Variants in SLC35F4 observed in about 807,000 individuals in gnomAD.
The protein encoded by SLC35F4 is solute carrier family 35 member F4, also known as chromosome 14 open reading frame 36.
SLC35F4 carries 24 observed loss-of-function variants against 44.2 expected under a neutral mutation model. The observed-to-expected ratio is 0.54, with a 90% CI of 0.39 to 0.76. SLC35F4 has a LOEUF of 0.76. SLC35F4 is among the 30% of genes least tolerant of loss of function. The pLI, the probability that SLC35F4 is intolerant of heterozygous loss-of-function variation, is 0.00. For missense variants in SLC35F4, 562 were observed against 586.1 expected (o/e 0.96, Z 0.42); for synonymous variants, 238 against 223.6 (o/e 1.06, Z -0.57).
Position 57,829,971 on chromosome 14 carries a change from C to T in SLC35F4, c.103+35752G>A, listed in dbSNP as rs17093719. On this transcript the variant is annotated intron_variant, in intron 1 of 7. Transcript: ENST00000556826. ...GGAAGAATAATCTTGCAGTTAAATG[C>T]AAATTGGAATGAAAAGAGAAGAGAG... Among the ~76,000 whole-genome samples, 1,474 of 152,042 alleles carry T rather than the reference C, an allele frequency of 9.7e-3. 17 individuals are homozygous for T. The highest frequency in any genetic ancestry group is 0.034 in the Middle Eastern group (10 of 292).
chr14:57,691,141 A>G (rs1196104108), intron 1 of SLC35F4, among the ~76,000 whole-genome samples: 3 of 152,152 alleles, frequency 2.0e-5, no homozygotes, highest in African/African-American at 7.2e-5. Context: ...TAATCAACAA[A>G]TGTTGGATAA....
downstream of SLC35F4, among the ~76,000 whole-genome samples, chr14:57,974,674 A>T (rs1881160414): frequency 6.6e-6 from 1 of 152,150 alleles, no homozygotes; most frequent in Non-Finnish European, 1.5e-5. Flanking sequence ...CCTAGCCCCC[A>T]CCAATCCTGC....
intron 1 of SLC35F4, among the ~76,000 whole-genome samples, chr14:57,933,129 C>T (rs1889731325): frequency 6.6e-6 from 1 of 150,896 alleles, no homozygotes; most frequent in African/African-American, 2.4e-5. Flanking sequence ...TCAACAAATT[C>T]TCCTGCCTCA....
intron 1 of SLC35F4, chr14:57,837,414 G>A (rs565660435): frequency 2.0e-5 from 3 of 152,310 alleles, no homozygotes; most frequent in Non-Finnish European, 4.4e-5. Flanking sequence ...TTGAAAGTTT[G>A]TTTGGCTCAA....
At chr14:57,710,721 T>C (rs567175233) in intron 1 of SLC35F4, among the ~76,000 whole-genome samples, 6 of 152,176 alleles carry the variant, frequency 3.9e-5, no homozygotes, top group Admixed American at 2.0e-4. Context: ...TAAGGTTTAA[T>C]GACTGCCCTA....
chr14:57,600,659 T>C (rs1302566032), intron 1 of SLC35F4, among the ~76,000 whole-genome samples: 1 of 98,634 alleles, frequency 1.0e-5, no homozygotes. Flanking sequence ...GCCACTGCAC[T>C]CCAGCCTGGG....
At chr14:57,760,913 CAGA>C (rs1209577303) in intron 1 of SLC35F4, among the ~76,000 whole-genome samples, 4 of 152,162 alleles carry the variant, frequency 2.6e-5, no homozygotes, top group African/African-American at 9.7e-5. Flanking sequence ...GACAGGTGCT[CAGA>C]AGATCTCTCC....
At chr14:57,871,174 G>A (rs955029916) in intron 1 of SLC35F4, among the ~76,000 whole-genome samples, 1 of 152,132 alleles carries the variant, frequency 6.6e-6, no homozygotes, top group Non-Finnish European at 1.5e-5. Flanking sequence ...GTGCCTCCCA[G>A]CTTGTCCAGA....
intron 1 of SLC35F4, among the ~76,000 whole-genome samples, chr14:57,773,268 C>G (rs2077411710): frequency 6.6e-6 from 1 of 152,130 alleles, no homozygotes; most frequent in Admixed American, 6.5e-5. Context: ...TGCAAATGCA[C>G]TGACTAGTTT....
chr14:57,575,990 T>TC (rs144954123), intron 4 of SLC35F4, among the ~76,000 whole-genome samples: 5,735 of 152,098 alleles, frequency 0.038, 346 homozygotes, highest in African/African-American at 0.13. Context: ...CTTGTATCTT[T>TC]TTTTTTTCTT....
At chr14:57,610,454 T>A (rs1189280318) in intron 1 of SLC35F4, among the ~76,000 whole-genome samples, 5 of 152,294 alleles carry the variant, frequency 3.3e-5, no homozygotes, top group Non-Finnish European at 7.3e-5. Context: ...CTGTACCATC[T>A]GGACTCAATA....
At position 57,754,845 on chromosome 14, in the gene SLC35F4, T is replaced by C. The variant is rs535735659; in HGVS notation, c.103+110878A>G. Among the ~76,000 whole-genome samples, 109 of 152,286 alleles carry C rather than the reference T, an allele frequency of 7.2e-4. 3 individuals are homozygous for C. In the South Asian group the frequency reaches 0.022, roughly 31 times the overall value. ...ACACGTAGGAAAGCAACCTGACTGA[T>C]CAGCAGTGTGTCCTGATTTCCCTTC... is the stretch of plus-strand genomic sequence containing the variant. On this transcript the variant is annotated intron_variant, in intron 1 of 7. Coordinates refer to ENST00000556826, the MANE Select transcript of SLC35F4 (RefSeq NM_001306087.2).
chr14:57,699,654 T>G (rs937311330), intron 1 of SLC35F4, among the ~76,000 whole-genome samples: 2 of 152,120 alleles, frequency 1.3e-5, no homozygotes, highest in African/African-American at 4.8e-5. Context: ...TTAAGAAAAC[T>G]ACAGCAAAAC....
At position 57,904,594 on chromosome 14, in the gene SLC35F4, G is replaced by A. The variant is rs115778563; in HGVS notation, n.282+77319C>T. On this transcript the variant is annotated intron_variant and non_coding_transcript_variant, in intron 1 of 1. Transcript: ENST00000556568. Reference sequence around the variant, plus strand: ...GGGAGAAACATTGAAGTGGGCTTTGGATCTCTTTGCCTTTTTGTAGGTTGA... The same window carrying A: ...GGGAGAAACATTGAAGTGGGCTTTGAATCTCTTTGCCTTTTTGTAGGTTGA... Among the ~76,000 whole-genome samples the A allele has an allele frequency of 3.5e-3, 540 of 152,270 alleles. 3 individuals carry two copies. The highest frequency in any genetic ancestry group is 0.013 in the African/African-American group (520 of 41,554).
chr14:57,687,459 T>C (rs568717982), intron 1 of SLC35F4, among the ~76,000 whole-genome samples: 2 of 152,342 alleles, frequency 1.3e-5, no homozygotes, highest in East Asian at 3.9e-4. Context: ...TTCTTTGTCC[T>C]ATTCCAAACA....
At chr14:57,959,287 G>A (rs1463509812) in intron 1 of SLC35F4, among the ~76,000 whole-genome samples, 3 of 152,134 alleles carry the variant, frequency 2.0e-5, no homozygotes, top group Non-Finnish European at 4.4e-5. Context: ...ACTTATGGTA[G>A]TAATGTAAAG....
At position 57,569,862 on chromosome 14, in the gene SLC35F4, G is replaced by C. The variant is rs1437972368; in HGVS notation, c.1052C>G (p.Thr351Ser). The change falls in exon 6 of 8, where the codon ACC (threonine) becomes AGC (serine). Residue 351 changes from threonine (T) to serine (S), a missense_variant. Thr to Ser is a moderately conservative substitution (Grantham distance 58). Transcript: ENST00000556826. ...ISFTPVILYF[T>S]KVEHWSSFAA... ...AAAAGAGGACCAGTGCTCCACCTTG[G>C]TGAAATACAAGATGACTGGGGTGAA... is the stretch of plus-strand genomic sequence containing the variant. 1 of 1,611,992 alleles carries C rather than the reference G, an allele frequency of 6.2e-7. No individual in the cohort carries two copies. The highest frequency in any genetic ancestry group is 2.2e-5 in the East Asian group (1 of 44,786).
intron 1 of SLC35F4, among the ~76,000 whole-genome samples, chr14:57,965,921 T>C (rs897090363): frequency 6.6e-6 from 1 of 152,216 alleles, no homozygotes; most frequent in Non-Finnish European, 1.5e-5. Flanking sequence ...GGTATCTTTC[T>C]GCTTTGTAAT....
At chr14:57,605,922 G>T (rs1370611275) in intron 1 of SLC35F4, among the ~76,000 whole-genome samples, 2 of 152,096 alleles carry the variant, frequency 1.3e-5, no homozygotes, top group Non-Finnish European at 2.9e-5. Context: ...TGTAGACATG[G>T]TCATAAAAAT....
Sources: allele counts gnomAD v4.1 joint callset (sites outside exome capture counted in the v4.1 genomes callset), GRCh38; gene constraint gnomAD v4.1.1; transcripts MANE v1.5; gene names NCBI Gene and HGNC (gene_info 2026-07-23, HGNC 2026-07-21).